The following MACROD2 variants were observed in gnomAD, a reference collection of about 807,000 sequenced individuals.
MACROD2 encodes the protein ADP-ribose glycohydrolase MACROD2.
In MACROD2, 36 loss-of-function variants were observed where a neutral mutation model predicts 70.4. The ratio of observed to expected loss-of-function variants is 0.51; its 90% CI spans 0.39 to 0.68. MACROD2 has a LOEUF of 0.68. Ranked by LOEUF, MACROD2 falls within the 30% of genes least tolerant of loss-of-function variation. MACROD2 has a pLI of 0.00. For missense variants in MACROD2, 496 were observed against 538.4 expected, an observed-to-expected ratio of 0.92 and a Z score of 0.78; for synonymous variants, 172 against 178.8, an observed-to-expected ratio of 0.96 and a Z score of 0.30.
intron 3 of MACROD2, among the ~76,000 whole-genome samples, chr20:14,423,755 A>ATTTTTTTT (rs1165796772): frequency 0.02 from 1,237 of 63,080 alleles, 76 homozygotes; most frequent in Non-Finnish European, 0.029. Context: ...GACATCTTAA[A>ATTTTTTTT]TTTTTTTTTT....
intron 4 of MACROD2, among the ~76,000 whole-genome samples, chr20:14,637,953 G>T (rs1380516185): frequency 6.6e-6 from 1 of 151,998 alleles, no homozygotes; most frequent in Non-Finnish European, 1.5e-5. Context: ...GGAAGTCAGG[G>T]AACAACTTTT....
rs1317675050 is a variant in MACROD2 at position 15,499,687 on chromosome 20, G to A, written c.572-87G>A. The stretch of plus-strand genomic sequence containing the variant: ...TGGTTGAACTGAATGTTGTTTAAAT[G>A]AGAAAACTCCAGTATCATAGCGTGA... On this transcript the variant is annotated intron_variant, in intron 7 of 17. Transcript: ENST00000684519. The A allele has an allele frequency of 3.4e-6, 4 of 1,192,520 alleles. No homozygotes were observed. In the East Asian group the frequency reaches 9.5e-5, roughly 28 times the overall value. 73.9% of individuals were successfully genotyped at this position (1,192,520 alleles called of 1,614,324 possible). A position where few individuals can be genotyped will look rare whatever the true frequency, so the allele number is the denominator to read the frequency against.
intron 6 of MACROD2, among the ~76,000 whole-genome samples, chr20:15,377,136 C>T (rs6074883): frequency 0.11 from 16,790 of 152,174 alleles, 1,176 homozygotes; most frequent in Non-Finnish European, 0.16. Flanking sequence ...GTGATCCGCC[C>T]GCTTCGGCCT....
chr20:15,883,041 A>G (rs570872784), intron 9 of MACROD2, among the ~76,000 whole-genome samples: 2 of 148,866 alleles, frequency 1.3e-5, no homozygotes, highest in African/African-American at 5.0e-5. Flanking sequence ...AAAAAAAAAA[A>G]CAAACAAACA....
chr20:15,297,896 AT>A lies in MACROD2; in HGVS notation c.540+67840del, dbSNP rs370190394. On this transcript the variant is annotated intron_variant, in intron 6 of 17. Transcript: ENST00000684519. ...TTTTTCAAACATTTTATTTTATATA[AT>A]TTTTCCACTTGGGAAAGTCTGCCCA... 3.2e-3 allele frequency among the ~76,000 whole-genome samples: 488 copies of A among 152,246 alleles called. 3 individuals are homozygous for A. In the South Asian group the frequency reaches 0.035, roughly 11 times the overall value.
intron 10 of MACROD2, among the ~76,000 whole-genome samples, chr20:15,898,393 A>C (rs561508777): frequency 6.6e-6 from 1 of 152,172 alleles, no homozygotes; most frequent in East Asian, 1.9e-4. Flanking sequence ...TCTACTAAAA[A>C]TACAAAAATT....
rs1433432886 is a variant in MACROD2 at position 15,472,251 on chromosome 20, AT to A, written c.572-27522del. 6.6e-5 allele frequency among the ~76,000 whole-genome samples: 10 copies of A among 152,112 alleles called. No individual in the cohort carries two copies. The East Asian group carries it at 1.9e-3, about 29-fold the overall frequency. On this transcript the variant is annotated intron_variant, in intron 7 of 17. Transcript: ENST00000684519. The stretch of plus-strand genomic sequence containing the variant: ...AAAAAGGCTTTCTCTTGACTTTTCT[AT>A]GTTTTCTTGGTTCTTTTTTCACCTA...
At chr20:14,181,974 A>C (rs73259165) in intron 3 of MACROD2, among the ~76,000 whole-genome samples, 2 of 152,130 alleles carry the variant, frequency 1.3e-5, no homozygotes, top group African/African-American at 4.8e-5. Flanking sequence ...TTTTGTGTGG[A>C]TATCTTTTCA....
At chr20:14,723,962 A>G (rs1427708436) in intron 5 of MACROD2, among the ~76,000 whole-genome samples, 1 of 152,092 alleles carries the variant, frequency 6.6e-6, no homozygotes, top group Non-Finnish European at 1.5e-5. Flanking sequence ...TGTTGTTTAC[A>G]CTGTTGGGTA....
chr20:14,943,024 A>G (rs1040189983), intron 5 of MACROD2, among the ~76,000 whole-genome samples: 1 of 152,302 alleles, frequency 6.6e-6, no homozygotes, highest in Middle Eastern at 3.4e-3. Flanking sequence ...CATCACCTGA[A>G]TGACAGCTGT....
chr20:14,479,827 T>C (rs2084642008), intron 3 of MACROD2, among the ~76,000 whole-genome samples: 1 of 152,194 alleles, frequency 6.6e-6, no homozygotes, highest in Non-Finnish European at 1.5e-5. Context: ...TTAAATATTA[T>C]GTATTATAAA....
intron 16 of MACROD2, among the ~76,000 whole-genome samples, chr20:16,043,698 G>A (rs546240893): frequency 2.6e-5 from 4 of 152,020 alleles, no homozygotes; most frequent in South Asian, 4.2e-4. Flanking sequence ...TTTCATGGCC[G>A]CTCACTGCCA....
At chr20:15,224,757 C>T (rs867776430) in intron 5 of MACROD2, among the ~76,000 whole-genome samples, 8 of 151,866 alleles carry the variant, frequency 5.3e-5, no homozygotes, top group Admixed American at 2.0e-4. Flanking sequence ...ATGGTAAGTT[C>T]GAGACCAGCC....
At chr20:14,321,137 G>A (rs940943436) in intron 3 of MACROD2, among the ~76,000 whole-genome samples, 1 of 152,136 alleles carries the variant, frequency 6.6e-6, no homozygotes, top group Non-Finnish European at 1.5e-5. Flanking sequence ...GGCTGAGGTG[G>A]GTGGATCACT....
chr20:15,443,754 T>TA (rs2046526127), intron 7 of MACROD2, among the ~76,000 whole-genome samples: 1 of 152,102 alleles, frequency 6.6e-6, no homozygotes, highest in Admixed American at 6.6e-5. Flanking sequence ...GTTTCATGGC[T>TA]AAAAAATACA....
intron 6 of MACROD2, among the ~76,000 whole-genome samples, chr20:15,296,743 A>G (rs2077593172): frequency 6.6e-6 from 1 of 152,202 alleles, no homozygotes; most frequent in Non-Finnish European, 1.5e-5. Context: ...CCTAAGAAGA[A>G]TATCTCATTT....
At chr20:15,605,263 G>A (rs114155296) in intron 8 of MACROD2, among the ~76,000 whole-genome samples, 5,816 of 152,108 alleles carry the variant, frequency 0.038, 177 homozygotes, top group African/African-American at 0.08. Context: ...AAAATCATGA[G>A]TCTTCCTCTC....
intron 5 of MACROD2, among the ~76,000 whole-genome samples, chr20:14,935,943 C>T (rs2074336929): frequency 6.6e-6 from 1 of 152,114 alleles, no homozygotes; most frequent in Middle Eastern, 3.2e-3. Flanking sequence ...CCTATTCACC[C>T]ATCCTTCCTT....
intron 10 of MACROD2, among the ~76,000 whole-genome samples, chr20:15,905,300 T>C (rs2065130619): frequency 6.6e-6 from 1 of 152,216 alleles, no homozygotes; most frequent in African/African-American, 2.4e-5. Flanking sequence ...TGAAAGGTGA[T>C]ACTAAGTTCA....
Sources: gnomAD v4.1 joint callset for allele counts (sites outside exome capture counted in the v4.1 genomes callset) on GRCh38, gnomAD v4.1.1 for gene constraint, MANE v1.5 for transcripts, NCBI Gene and HGNC (gene_info 2026-07-23, HGNC 2026-07-21) for gene names.